CAPN13: variants seen among roughly 807,000 people sequenced by gnomAD.
CAPN13 encodes calpain-13.
CAPN13 carries 90 observed loss-of-function variants against 98.4 expected under a neutral mutation model. The observed-to-expected ratio is 0.92, with a 90% CI of 0.77 to 1.09. The LOEUF is 1.09. Ranked by LOEUF, CAPN13 falls within the 50% of genes least tolerant of loss-of-function variation. CAPN13 has a pLI of 0.00. For synonymous variants in CAPN13, 330 were observed against 305.5 expected, an observed-to-expected ratio of 1.08 and a Z score of -0.84; for missense variants, 887 against 841.3, an observed-to-expected ratio of 1.05 and a Z score of -0.67.
intron 15 of CAPN13, among the ~76,000 whole-genome samples, chr2:30,739,162 T>C (rs1264119591): frequency 2.0e-5 from 3 of 152,196 alleles, no homozygotes; most frequent in Non-Finnish European, 4.4e-5. Flanking sequence ...GTGTCTTTGA[T>C]GACAATTTCA....
chr2:30,750,451 C>A (rs1445339438), intron 11 of CAPN13, among the ~76,000 whole-genome samples: 2 of 152,012 alleles, frequency 1.3e-5, no homozygotes, highest in Non-Finnish European at 2.9e-5. Flanking sequence ...TACCCCCAAA[C>A]CTAAAATAAA....
intron 1 of CAPN13, chr2:30,806,173 G>A (rs751262590): frequency 1.3e-5 from 2 of 152,136 alleles, no homozygotes; most frequent in Non-Finnish European, 2.9e-5. Flanking sequence ...ACAAGACAGG[G>A]TACCTACCAG....
At chr2:30,775,504 T>C (rs947448581) in intron 4 of CAPN13, among the ~76,000 whole-genome samples, 3 of 152,238 alleles carry the variant, frequency 2.0e-5, no homozygotes, top group Non-Finnish European at 4.4e-5. Context: ...AAAATTCTCA[T>C]GGAAGAATAA....
rs528396370 is a variant in CAPN13, at chr2:30,735,492, A to G, written c.1723-968T>C. Among the ~76,000 whole-genome samples the G allele has an allele frequency of 4.6e-5, 7 of 152,342 alleles. No homozygotes were observed. In the South Asian group the frequency reaches 1.5e-3, roughly 32 times the overall value. Reference sequence around the variant, plus strand: ...AGACCTAGACTGTTCTCAGGAATTCATTCGTTCATTCGGAATTTCTTCAGT... The same window carrying G: ...AGACCTAGACTGTTCTCAGGAATTCGTTCGTTCATTCGGAATTTCTTCAGT... On this transcript the variant is annotated intron_variant, in intron 18 of 22. Transcript: ENST00000295055.
intron 1 of CAPN13, among the ~76,000 whole-genome samples, chr2:30,794,767 G>A (rs1380481121): frequency 6.6e-6 from 1 of 151,918 alleles, no homozygotes; most frequent in Non-Finnish European, 1.5e-5. Context: ...TATGCTATGT[G>A]AAAGCCAGTC....
At chr2:30,757,429 C>G (rs1672509618) in intron 8 of CAPN13, among the ~76,000 whole-genome samples, 1 of 152,246 alleles carries the variant, frequency 6.6e-6, no homozygotes, top group African/African-American at 2.4e-5. Context: ...CCCTCCTGAT[C>G]TAAGTGTGGG....
chr2:30,729,791 A>C (rs1009164082), intron 22 of CAPN13: 4 of 152,240 alleles, frequency 2.6e-5, no homozygotes, highest in Admixed American at 2.6e-4. Context: ...TTACCAAAAC[A>C]ATCGAGTTTT....
intron 19 of CAPN13, among the ~76,000 whole-genome samples, chr2:30,732,935 A>C (rs2147948040): frequency 6.6e-6 from 1 of 152,158 alleles, no homozygotes; most frequent in Non-Finnish European, 1.5e-5. Context: ...CCCACCCATG[A>C]CTGTAGGTGG....
At chr2:30,752,988 TGCA>T in intron 10 of CAPN13, 62 bp downstream of exon 10, 1 of 1,573,436 alleles carries the variant, frequency 6.4e-7, no homozygotes, top group African/African-American at 1.3e-5. Flanking sequence ...GCTGAAGCCA[TGCA>T]AGGGCTGGGC....
At chr2:30,757,781 C>T (rs772336969) in intron 8 of CAPN13, among the ~76,000 whole-genome samples, 3 of 152,210 alleles carry the variant, frequency 2.0e-5, no homozygotes, top group Non-Finnish European at 4.4e-5. Context: ...AGGGTGGGCA[C>T]TGGGTCTTGT....
At chr2:30,773,098 A>C (rs371286189) in intron 4 of CAPN13, among the ~76,000 whole-genome samples, 29 of 152,344 alleles carry the variant, frequency 1.9e-4, no homozygotes, top group African/African-American at 6.3e-4. Context: ...TGCTGGGATT[A>C]CAGGCGTGAG....
chr2:30,750,786 G>T (rs1467295993), intron 11 of CAPN13, among the ~76,000 whole-genome samples: 1 of 152,204 alleles, frequency 6.6e-6, no homozygotes, highest in Non-Finnish European at 1.5e-5. Context: ...CCCAGAATCT[G>T]CTTTGTTAGA....
intron 1 of CAPN13, among the ~76,000 whole-genome samples, chr2:30,797,431 C>T (rs553518998): frequency 1.8e-4 from 27 of 152,302 alleles, no homozygotes; most frequent in Non-Finnish European, 3.7e-4. Flanking sequence ...CTCTTACTGA[C>T]TGAATGATCT....
chr2:30,739,125 T>C (rs945925648), intron 15 of CAPN13, among the ~76,000 whole-genome samples: 1 of 152,094 alleles, frequency 6.6e-6, no homozygotes, highest in African/African-American at 2.4e-5. Context: ...GATTTTATAC[T>C]GGGGGCATCC....
At chr2:30,792,656 G>A (rs926138999) in intron 1 of CAPN13, among the ~76,000 whole-genome samples, 2 of 151,980 alleles carry the variant, frequency 1.3e-5, no homozygotes, top group East Asian at 1.9e-4. Context: ...CTAATCTTAC[G>A]TGAACTTCCT....
intron 20 of CAPN13, 136 bp from the exon 21 acceptor site, chr2:30,731,535 C>T: frequency 1.5e-6 from 1 of 674,234 alleles, no homozygotes; most frequent in Non-Finnish European, 2.4e-6. Context: ...CGGGGTGTGC[C>T]TGTCACCCAT....
rs140353246 is a variant in CAPN13 at position 30,750,065 on chromosome 2, C to T, written c.1236+1038G>A. Reference sequence around the variant, plus strand: ...AAAGACATGGAATCAACCTAAATGCCCATCCATCAATGACAGATTGGATAA... The same window carrying T: ...AAAGACATGGAATCAACCTAAATGCTCATCCATCAATGACAGATTGGATAA... On this transcript the variant is annotated intron_variant, in intron 11 of 22. Coordinates refer to ENST00000295055, the MANE Select transcript of CAPN13 (RefSeq NM_144575.3). 3.8e-4 allele frequency among the ~76,000 whole-genome samples: 58 copies of T among 152,236 alleles called. 1 individual carries two copies. The East Asian group carries it at 0.01, about 26-fold the overall frequency.
chr2:30,805,747 C>CTTT (rs72100161), intron 1 of CAPN13, among the ~76,000 whole-genome samples: 3 of 121,530 alleles, frequency 2.5e-5, no homozygotes, highest in Admixed American at 8.0e-5. Flanking sequence ...GTAGGTTGGT[C>CTTT]TTTTTTTTTT....
intron 19 of CAPN13, 58 bp downstream of exon 19, chr2:30,734,385 GGGGTGT>G (rs2147951179): frequency 8.0e-7 from 1 of 1,253,622 alleles, no homozygotes; most frequent in South Asian, 1.2e-5. Context: ...CTTGCTACTA[GGGGTGT>G]GGGCATCACC....
Sources: allele counts gnomAD v4.1 joint callset (sites outside exome capture counted in the v4.1 genomes callset), GRCh38; gene constraint gnomAD v4.1.1; transcripts MANE v1.5; gene names NCBI Gene and HGNC (gene_info 2026-07-23, HGNC 2026-07-21).